DCC: variants seen among roughly 807,000 people sequenced by gnomAD.
The protein encoded by DCC is netrin receptor DCC.
Under a neutral mutation model 172.5 loss-of-function variants are expected in DCC, and 58 were observed. The observed-to-expected ratio is 0.34, with a 90% CI of 0.27 to 0.42. DCC has a LOEUF of 0.42. DCC is among the 10% of genes least tolerant of loss of function. The pLI, the probability that DCC is intolerant of heterozygous loss-of-function variation, is 1.00. For synonymous variants in DCC, 709 were observed against 644.5 expected (o/e 1.10, Z -1.52); for missense variants, 1,740 against 1,791.0 (o/e 0.97, Z 0.51).
At chr18:53,504,531 T>A (rs1052615951) in intron 27 of DCC, among the ~76,000 whole-genome samples, 1 of 152,188 alleles carries the variant, frequency 6.6e-6, no homozygotes, top group Non-Finnish European at 1.5e-5. Flanking sequence ...TTGGTAGACA[T>A]CTCCTTGAAA....
chr18:53,075,543 A>AT (rs145928746), intron 7 of DCC, among the ~76,000 whole-genome samples: 7,860 of 141,074 alleles, frequency 0.056, 236 homozygotes, highest in Middle Eastern at 0.065. Context: ...GTGTTATCCC[A>AT]TTTTTTTTTT....
At chr18:53,175,269 G>A (rs1166982827) in intron 8 of DCC, among the ~76,000 whole-genome samples, 2 of 151,762 alleles carry the variant, frequency 1.3e-5, no homozygotes, top group African/African-American at 2.4e-5. Flanking sequence ...ACTGGCACAA[G>A]ACAGGGATGC....
At chr18:53,117,579 G>A (rs1424752099) in intron 7 of DCC, among the ~76,000 whole-genome samples, 1 of 151,730 alleles carries the variant, frequency 6.6e-6, no homozygotes, top group Non-Finnish European at 1.5e-5. Context: ...ACAACTATGA[G>A]AGAATCATGG....
At chr18:52,418,521 A>G (rs1216465542) in intron 1 of DCC, among the ~76,000 whole-genome samples, 6 of 152,204 alleles carry the variant, frequency 3.9e-5, no homozygotes, top group Non-Finnish European at 8.8e-5. Context: ...CTATCTGGGA[A>G]GGCATTTCCA....
At chr18:53,198,389 C>A (rs892473912) in intron 9 of DCC, among the ~76,000 whole-genome samples, 1 of 152,030 alleles carries the variant, frequency 6.6e-6, no homozygotes, top group African/African-American at 2.4e-5. Context: ...ACCACACATC[C>A]TGTCATCTAT....
intron 2 of DCC, among the ~76,000 whole-genome samples, chr18:52,772,718 G>C (rs1383706392): frequency 6.6e-6 from 1 of 152,064 alleles, no homozygotes; most frequent in East Asian, 1.9e-4. Flanking sequence ...TATTATATTG[G>C]GTGGTGTTTT....
intron 1 of DCC, among the ~76,000 whole-genome samples, chr18:52,494,163 A>C (rs576017322): frequency 1.3e-5 from 2 of 151,974 alleles, no homozygotes; most frequent in African/African-American, 4.8e-5. Context: ...GAGGTCAACT[A>C]TTATTTCTCC....
At chr18:53,478,374 T>G (rs183372583) in intron 25 of DCC, among the ~76,000 whole-genome samples, 16 of 152,290 alleles carry the variant, frequency 1.1e-4, no homozygotes, top group African/African-American at 3.8e-4. Context: ...ATGTAACTAT[T>G]TGGCCATTTT....
chr18:53,275,000 C>G (rs1321031404), intron 12 of DCC, among the ~76,000 whole-genome samples: 3 of 152,104 alleles, frequency 2.0e-5, no homozygotes, highest in African/African-American at 4.8e-5. Flanking sequence ...ATCTTGTCCT[C>G]TAGCTGTAAA....
At chr18:53,400,099 A>T (rs1333545507) in intron 18 of DCC, among the ~76,000 whole-genome samples, 4 of 152,140 alleles carry the variant, frequency 2.6e-5, no homozygotes, top group Non-Finnish European at 5.9e-5. Context: ...GCATTTTTTT[A>T]AATTCCTGAA....
At chr18:52,621,256 C>T (rs1160349846) in intron 1 of DCC, among the ~76,000 whole-genome samples, 2 of 152,162 alleles carry the variant, frequency 1.3e-5, no homozygotes, top group South Asian at 2.1e-4. Flanking sequence ...CAGGAATGTT[C>T]TGTAGAAATA....
At chr18:52,614,382 T>C (rs983651660) in intron 1 of DCC, among the ~76,000 whole-genome samples, 3 of 152,312 alleles carry the variant, frequency 2.0e-5, no homozygotes, top group African/African-American at 7.2e-5. Context: ...TTGCATCGTG[T>C]TCATTAGCAT....
At chr18:53,234,839 C>A (rs2056178335) in intron 12 of DCC, among the ~76,000 whole-genome samples, 2 of 152,118 alleles carry the variant, frequency 1.3e-5, no homozygotes, top group Non-Finnish European at 2.9e-5. Context: ...ACAATTTGTT[C>A]TGTAATTATT....
intron 1 of DCC, among the ~76,000 whole-genome samples, chr18:52,706,744 G>A (rs2036217909): frequency 6.6e-6 from 1 of 152,192 alleles, no homozygotes. Context: ...TGGAAAGGGA[G>A]AGATGAAACA....
At chr18:52,555,802 A>G (rs2032900181) in intron 1 of DCC, among the ~76,000 whole-genome samples, 1 of 152,172 alleles carries the variant, frequency 6.6e-6, no homozygotes. Context: ...AGAACAAGTC[A>G]TTACTTAAAG....
At chr18:53,092,685 G>T (rs2043031539) in intron 7 of DCC, among the ~76,000 whole-genome samples, 1 of 151,884 alleles carries the variant, frequency 6.6e-6, no homozygotes, top group Admixed American at 6.6e-5. Context: ...ATATTATTTG[G>T]GTGGCTTTTC....
chr18:52,785,215 A>G (rs1300407098), intron 2 of DCC, among the ~76,000 whole-genome samples: 1 of 151,994 alleles, frequency 6.6e-6, no homozygotes, highest in African/African-American at 2.4e-5. Flanking sequence ...CACATGGCTG[A>G]CAAAGAGAAG....
chr18:52,527,364 T>G (rs953894853), intron 1 of DCC, among the ~76,000 whole-genome samples: 1 of 152,250 alleles, frequency 6.6e-6, no homozygotes. Context: ...TGGTGGTTCT[T>G]TTGCTATAAT....
intron 16 of DCC, among the ~76,000 whole-genome samples, chr18:53,389,052 G>A (rs1908372994): frequency 6.6e-6 from 1 of 152,114 alleles, no homozygotes; most frequent in African/African-American, 2.4e-5. Context: ...CCAAAATGCT[G>A]GGTTTACAGG....
Sources: gnomAD v4.1 joint callset for allele counts (sites outside exome capture counted in the v4.1 genomes callset) on GRCh38, gnomAD v4.1.1 for gene constraint, MANE v1.5 for transcripts, NCBI Gene and HGNC (gene_info 2026-07-23, HGNC 2026-07-21) for gene names.